The following PCDHGB2 variants were observed in gnomAD, a reference collection of about 807,000 sequenced individuals.
PCDHGB2 encodes protocadherin gamma-B2.
In PCDHGB2, 55 loss-of-function variants were observed where a neutral mutation model predicts 59.3. The ratio of observed to expected loss-of-function variants is 0.93; its 90% CI spans 0.75 to 1.16. The LOEUF is 1.16. PCDHGB2 is among the 50% of genes most tolerant of loss of function. The pLI, the probability that PCDHGB2 is intolerant of heterozygous loss-of-function variation, is 0.00. For synonymous variants in PCDHGB2, 516 were observed against 512.0 expected, an observed-to-expected ratio of 1.01 and a Z score of -0.11; for missense variants, 1,228 against 1,198.5, an observed-to-expected ratio of 1.02 and a Z score of -0.36.
intron 1 of PCDHGB2, chr5:141,364,771 T>G: frequency 6.2e-7 from 1 of 1,614,002 alleles, no homozygotes; most frequent in Non-Finnish European, 8.5e-7. Flanking sequence ...AAAATGCGGC[T>G]GCAGGGACAC....
At chr5:141,410,022 A>C (rs557770094) in intron 1 of PCDHGB2, 2 of 1,613,094 alleles carry the variant, frequency 1.2e-6, no homozygotes, top group South Asian at 2.2e-5. Context: ...CTGTCCTACC[A>C]CGTGCTGCAG....
At chr5:141,410,847 G>GTT (rs773839667) in intron 1 of PCDHGB2, 4 of 158,332 alleles carry the variant, frequency 2.5e-5, no homozygotes, top group South Asian at 1.1e-4. Flanking sequence ...TTTTGTCTTT[G>GTT]TCTTTTTTTT....
intron 1 of PCDHGB2, chr5:141,366,527 G>T (rs374836826): frequency 2.5e-6 from 4 of 1,614,142 alleles, no homozygotes; most frequent in Non-Finnish European, 3.4e-6. Context: ...CAGCAGGTTG[G>T]CGGGTGTGCC....
chr5:141,398,189 T>G (rs926901002), intron 1 of PCDHGB2: 3 of 1,482,238 alleles, frequency 2.0e-6, no homozygotes, highest in Middle Eastern at 2.3e-4. Context: ...TTTCTCTTCC[T>G]GCTGTCTTTG....
chr5:141,376,590 G>A (rs569935512), intron 1 of PCDHGB2: 9 of 1,570,160 alleles, frequency 5.7e-6, no homozygotes, highest in South Asian at 4.7e-5. Context: ...CAGCTAGATC[G>A]GCTGTTATAG....
intron 1 of PCDHGB2, chr5:141,364,531 C>T (rs1763385231): frequency 1.2e-6 from 2 of 1,613,976 alleles, no homozygotes; most frequent in African/African-American, 2.7e-5. Flanking sequence ...TCCGCATCGT[C>T]TCCAGAGGTA....
rs2099405848 is a variant in PCDHGB2 at position 141,477,120 on chromosome 5, A to G, written c.2422-17687A>G. 2 of 1,614,118 alleles carry G rather than the reference A, an allele frequency of 1.2e-6. No homozygotes were observed. Among genetic ancestry groups the G allele is most frequent in the African/African-American group, 2.7e-5 (2 of 74,942 alleles). On this transcript the variant is annotated intron_variant, in intron 1 of 3. Transcript: ENST00000522605. This position sits in a 1 kb window ranked among gnomAD's most constrained non-coding sequence, Gnocchi z 4.9. ...AAGGGCGCCAATCCCGAAGGAGCAC[A>G]TTGCAAAGTGTTGGTGGAGGTTGTG...
intron 2 of PCDHGB2, among the ~76,000 whole-genome samples, chr5:141,500,289 A>G (rs1440166636): frequency 6.6e-6 from 1 of 151,486 alleles, no homozygotes; most frequent in African/African-American, 2.4e-5. Flanking sequence ...GCTCACTGCA[A>G]GCTCCGCCTC....
intron 1 of PCDHGB2, among the ~76,000 whole-genome samples, chr5:141,458,102 A>G (rs1314999618): frequency 6.6e-6 from 1 of 152,246 alleles, no homozygotes; most frequent in Admixed American, 6.5e-5. Context: ...GTACTTACAG[A>G]TAGTCTCCAA....
At chr5:141,422,463 C>T in intron 1 of PCDHGB2, 1 of 1,613,472 alleles carries the variant, frequency 6.2e-7, no homozygotes, top group African/African-American at 1.3e-5. Context: ...GAGTGCTGGA[C>T]AGGGAGTTGG....
chr5:141,370,878 G>A (rs906619365), intron 1 of PCDHGB2: 1 of 1,613,918 alleles, frequency 6.2e-7, no homozygotes, highest in African/African-American at 1.3e-5. Flanking sequence ...AGATCCTGAT[G>A]TAGGTGTCAA....
At chr5:141,413,054 A>T in intron 1 of PCDHGB2, 1 of 981,732 alleles carries the variant, frequency 1.0e-6, no homozygotes, top group Non-Finnish European at 1.5e-6. Context: ...AGGGAAGCTC[A>T]CTCCAGAATT....
At chr5:141,390,612 T>C (rs2092191763) in intron 1 of PCDHGB2, 1 of 296,168 alleles carries the variant, frequency 3.4e-6, no homozygotes, top group Non-Finnish European at 6.3e-6. Context: ...ATTTTCCTTC[T>C]TGTTGACTAA....
rs946798767 is a variant in PCDHGB2 at position 141,438,591 on chromosome 5, C to CATATAT, written c.2422-56176_2422-56171dup. Among the ~76,000 whole-genome samples the CATATAT allele has an allele frequency of 1.5e-3, 111 of 75,470 alleles. 1 individual carries two copies. Among genetic ancestry groups the CATATAT allele is most frequent in the Non-Finnish European group, 2.3e-3 (84 of 37,244 alleles). 49.5% of individuals were successfully genotyped at this position (75,470 alleles called of 152,430 possible). A position where few individuals can be genotyped will look rare whatever the true frequency, so the allele number is the denominator to read the frequency against. ...TCTGATATACATACATACATACATA[C>CATATAT]ATATATATATATATATATATATATA... On this transcript the variant is annotated intron_variant, in intron 1 of 3. Transcript: ENST00000522605.
chr5:141,448,945 A>G (rs1288079348), intron 1 of PCDHGB2, among the ~76,000 whole-genome samples: 1 of 151,716 alleles, frequency 6.6e-6, no homozygotes, highest in Non-Finnish European at 1.5e-5. Context: ...ACTGCAACTC[A>G]AAAAAACAAA....
intron 1 of PCDHGB2, chr5:141,396,354 C>T (rs1285916157): frequency 6.6e-6 from 1 of 152,456 alleles, no homozygotes; most frequent in East Asian, 1.9e-4. Context: ...TGCGGTGGCT[C>T]ACGCCTGTAA....
intron 1 of PCDHGB2, chr5:141,394,106 T>C: frequency 1.2e-6 from 2 of 1,613,942 alleles, no homozygotes; most frequent in Non-Finnish European, 1.7e-6. Flanking sequence ...GAACACCACC[T>C]CTGTCCACTG....
chr5:141,428,773 T>C (rs1036838681), intron 1 of PCDHGB2: 1 of 154,174 alleles, frequency 6.5e-6, no homozygotes, highest in Admixed American at 6.4e-5. Context: ...CCACTCTTAA[T>C]ATTTCCTGTT....
chr5:141,448,763 A>AC (rs1372638258), intron 1 of PCDHGB2, among the ~76,000 whole-genome samples: 11 of 151,572 alleles, frequency 7.3e-5, no homozygotes, highest in Admixed American at 5.3e-4. Flanking sequence ...ACACGGTGAA[A>AC]CCCCGTCTGT....
Sources: gnomAD v4.1 joint callset for allele counts (sites outside exome capture counted in the v4.1 genomes callset) on GRCh38, gnomAD v4.1.1 for gene constraint, Gnocchi (gnomAD v3.1) non-coding constraint, MANE v1.5 for transcripts, NCBI Gene and HGNC (gene_info 2026-07-23, HGNC 2026-07-21) for gene names.